The following DCAF1 variants were observed in gnomAD, a reference collection of about 807,000 sequenced individuals.
The protein encoded by DCAF1 is DDB1 and CUL4 associated factor 1.
DCAF1 carries 15 observed loss-of-function variants against 128.0 expected under a neutral mutation model. The ratio of observed to expected loss-of-function variants is 0.12; its 90% CI spans 0.08 to 0.18. DCAF1 has a LOEUF of 0.18. DCAF1 is among the 10% of genes least tolerant of loss of function. The pLI is 1.00. For missense variants in DCAF1, 988 were observed against 1,649.5 expected (o/e 0.60, Z 6.95); for synonymous variants, 610 against 603.0 (o/e 1.01, Z -0.17).
At chr3:51,451,515 C>A (rs1702348750) in intron 6 of DCAF1, among the ~76,000 whole-genome samples, 2 of 151,988 alleles carry the variant, frequency 1.3e-5, no homozygotes, top group Admixed American at 6.6e-5. Context: ...AATCCCAGCA[C>A]TATGGGAGGC....
intron 23 of DCAF1, among the ~76,000 whole-genome samples, chr3:51,408,253 T>C (rs1553627304): frequency 6.6e-6 from 1 of 152,236 alleles, no homozygotes; most frequent in African/African-American, 2.4e-5. Flanking sequence ...TTTTATGGCA[T>C]GTCAATTATA....
Position 51,403,589 on chromosome 3 carries a change from G to T in DCAF1, c.4213-194C>A, listed in dbSNP as rs138196384. On this transcript the variant is annotated intron_variant, in intron 23 of 24. Transcript: ENST00000684031. ...GATAGGCACACATGTCCCTCAAGAC[G>T]GTCAAAGCACCCCTCAGACAAGGAT... Among the ~76,000 whole-genome samples, 37 of 152,288 alleles carry T rather than the reference G, an allele frequency of 2.4e-4. No homozygotes were observed. The South Asian group carries it at 7.7e-3, about 32-fold the overall frequency.
Position 51,420,670 on chromosome 3 carries a change from C to T in DCAF1, c.2300G>A (p.Arg767His), listed in dbSNP as rs377440352. The T allele has an allele frequency of 1.2e-6, 2 of 1,614,052 alleles. No individual in the cohort carries two copies. Among genetic ancestry groups the T allele is most frequent in the Non-Finnish European group, 8.5e-7 (1 of 1,179,906 alleles). ...GATGATCTGCCGGACAGTGCTACTGCGAGACAGGCCCACTAGGGCTTTGCA... is the reference window on the plus strand; with the variant it reads ...GATGATCTGCCGGACAGTGCTACTGTGAGACAGGCCCACTAGGGCTTTGCA... ...LACKALVGLSRSSTVRQIISK... is the reference protein window; with the variant it reads ...LACKALVGLSHSSTVRQIISK... The change falls in exon 15 of 25, where the codon CGC becomes CAC. Residue 767 changes from arginine (R) to histidine (H), a missense_variant. Coordinates refer to ENST00000684031, the MANE Select transcript of DCAF1 (RefSeq NM_001387579.1). This position sits in a 1 kb window ranked among gnomAD's most constrained non-coding sequence, Gnocchi z 6.5.
intron 12 of DCAF1, among the ~76,000 whole-genome samples, chr3:51,428,169 C>T (rs1473136589): frequency 4.6e-5 from 7 of 150,902 alleles, no homozygotes; most frequent in Non-Finnish European, 1.0e-4. Flanking sequence ...CATCATGTGA[C>T]TGATTTCAAT....
chr3:51,421,612 G>A lies in DCAF1; in HGVS notation c.1973-615C>T, dbSNP rs189202429. Among the ~76,000 whole-genome samples, 340 of 152,144 alleles carry A rather than the reference G, an allele frequency of 2.2e-3. 2 individuals carry two copies. The highest frequency in any genetic ancestry group is 7.8e-3 in the African/African-American group (324 of 41,492). ...AACCTTAGGAACGGAGAAAGCCCTC[G>A]GTTGGGCTGCTACTGTGGAAGCAGA... On this transcript the variant is annotated intron_variant, in intron 14 of 24. Coordinates refer to ENST00000684031, the MANE Select transcript of DCAF1 (RefSeq NM_001387579.1).
chr3:51,418,240 T>G, intron 16 of DCAF1, 42 bp from the exon 17 acceptor site: 2 of 1,575,430 alleles, frequency 1.3e-6, no homozygotes, highest in East Asian at 4.6e-5. Flanking sequence ...CGTATTTACA[T>G]ACATGCAGAT....
At chr3:51,484,327 T>G (rs1183156207) in intron 2 of DCAF1, among the ~76,000 whole-genome samples, 1 of 151,564 alleles carries the variant, frequency 6.6e-6, no homozygotes, top group Non-Finnish European at 1.5e-5. Flanking sequence ...ACAAAAATTA[T>G]CTGGACATGG....
At chr3:51,504,802 C>G (rs539862057), upstream of DCAF1, among the ~76,000 whole-genome samples, 40 of 152,236 alleles carry the variant, frequency 2.6e-4, no homozygotes, top group African/African-American at 8.7e-4. Flanking sequence ...GTTTACCACT[C>G]TATCAGTTAT....
chr3:51,441,581 TTCTC>T lies in DCAF1; in HGVS notation c.826_829del (p.Glu276ThrfsTer35). On this transcript the variant is annotated frameshift_variant, in exon 8 of 25. Coordinates refer to ENST00000684031, the MANE Select transcript of DCAF1 (RefSeq NM_001387579.1). LOFTEE classifies it high-confidence loss of function. ...CAACTTTTGCTTGGCTTTCCTAAAG[TTCTC>T]TCTGTCACCCTGTTTTGCTGACTTG... 1 of 1,614,024 alleles carries T rather than the reference TTCTC, an allele frequency of 6.2e-7. No individual in the cohort carries two copies. The highest frequency in any genetic ancestry group is 8.5e-7 in the Non-Finnish European group (1 of 1,179,890).
At chr3:51,454,229 C>G (rs1180858054) in intron 6 of DCAF1, among the ~76,000 whole-genome samples, 1 of 152,034 alleles carries the variant, frequency 6.6e-6, no homozygotes, top group Non-Finnish European at 1.5e-5. Flanking sequence ...TTTGTAGAGC[C>G]AGGGTCTTCC....
intron 6 of DCAF1, among the ~76,000 whole-genome samples, chr3:51,451,762 CA>C (rs5848923): frequency 0.15 from 16,273 of 107,926 alleles, 1,649 homozygotes; most frequent in East Asian, 0.38. Context: ...AACTCTGTCT[CA>C]AAAAAAAAAA....
At chr3:51,451,686 T>C (rs1553641527) in intron 6 of DCAF1, among the ~76,000 whole-genome samples, 1 of 149,280 alleles carries the variant, frequency 6.7e-6, no homozygotes, top group African/African-American at 2.5e-5. Context: ...CCCTTGAACC[T>C]GGGAGGCAGA....
intron 3 of DCAF1, among the ~76,000 whole-genome samples, chr3:51,478,420 G>T (rs573234880): frequency 2.6e-5 from 4 of 152,146 alleles, no homozygotes; most frequent in African/African-American, 9.7e-5. Context: ...GATAAAATAT[G>T]ATAATGTAAA....
intron 2 of DCAF1, among the ~76,000 whole-genome samples, chr3:51,484,544 G>GA (rs781884762): frequency 3.5e-4 from 53 of 152,034 alleles, no homozygotes; most frequent in Non-Finnish European, 6.9e-4. Flanking sequence ...CTAGATCTCT[G>GA]AGGTCTAAAA....
intron 1 of DCAF1, among the ~76,000 whole-genome samples, 165 bp from the exon 2 acceptor site, chr3:51,496,945 C>G (rs1175107717): frequency 6.6e-6 from 1 of 152,008 alleles, no homozygotes; most frequent in Non-Finnish European, 1.5e-5. Context: ...TCAAATGATT[C>G]CACAAAATAT....
At chr3:51,475,673 A>G (rs1705347766) in intron 3 of DCAF1, among the ~76,000 whole-genome samples, 1 of 152,206 alleles carries the variant, frequency 6.6e-6, no homozygotes, top group Admixed American at 6.5e-5. Context: ...CATCCTGGCT[A>G]ACACGGCGAA....
chr3:51,437,307 A>C (rs1214668850), intron 9 of DCAF1: 10 of 452,034 alleles, frequency 2.2e-5, no homozygotes, highest in Middle Eastern at 3.4e-4. Flanking sequence ...AAGAGCAAGA[A>C]GACCCCAAAC....
chr3:51,417,803 G>T (rs1577080966), intron 17 of DCAF1, among the ~76,000 whole-genome samples: 1 of 151,040 alleles, frequency 6.6e-6, no homozygotes, highest in Non-Finnish European at 1.5e-5. Flanking sequence ...GGGGAGGTGA[G>T]GGGGGAGGGG....
chr3:51,463,006 C>G (rs1703770052), intron 6 of DCAF1, 108 bp downstream of exon 6: 2 of 569,252 alleles, frequency 3.5e-6, no homozygotes, highest in South Asian at 7.8e-5. Flanking sequence ...ACATATATTA[C>G]TATATGAATA....
Sources: allele counts gnomAD v4.1 joint callset (sites outside exome capture counted in the v4.1 genomes callset), GRCh38; gene constraint gnomAD v4.1.1; non-coding constraint Gnocchi (gnomAD v3.1); transcripts MANE v1.5; gene names NCBI Gene and HGNC (gene_info 2026-07-23, HGNC 2026-07-21).